The following TSC22D1 variants were observed in gnomAD, a reference collection of about 807,000 sequenced individuals.
The protein encoded by TSC22D1 is TSC22 domain family protein 1.
A neutral mutation model predicts 74.2 loss-of-function variants in TSC22D1; 9 were observed. The ratio of observed to expected loss-of-function variants is 0.12; its 90% CI spans 0.07 to 0.21. The LOEUF (loss-of-function observed/expected upper bound fraction) is 0.21, where lower values mean the gene tolerates loss of function less well. Ranked by LOEUF, TSC22D1 falls within the 10% of genes least tolerant of loss-of-function variation. The probability of loss-of-function intolerance (pLI) is 1.00; values close to 1 mark genes in which losing one functional copy is unlikely to be tolerated. For synonymous variants in TSC22D1, 586 were observed against 492.5 expected, an observed-to-expected ratio of 1.19 and a Z score of -2.51; for missense variants, 1,427 against 1,304.7, an observed-to-expected ratio of 1.09 and a Z score of -1.44.
intron 1 of TSC22D1, among the ~76,000 whole-genome samples, chr13:44,437,693 C>T (rs1359921159): frequency 6.6e-6 from 1 of 152,074 alleles, no homozygotes; most frequent in Non-Finnish European, 1.5e-5. Flanking sequence ...TAGTTAAGTC[C>T]CTAAGGCACG....
At chr13:44,514,894 G>C (rs913332571) in intron 1 of TSC22D1, among the ~76,000 whole-genome samples, 1 of 151,906 alleles carries the variant, frequency 6.6e-6, no homozygotes, top group Non-Finnish European at 1.5e-5. Context: ...GAAGTTTAAA[G>C]TCATTTATTA....
intron 1 of TSC22D1, among the ~76,000 whole-genome samples, chr13:44,439,244 G>C (rs951336807): frequency 1.3e-5 from 2 of 152,160 alleles, no homozygotes; most frequent in African/African-American, 4.8e-5. Context: ...ATACATCCTT[G>C]AACATGTATG....
At chr13:44,467,021 G>A (rs950605751) in intron 1 of TSC22D1, among the ~76,000 whole-genome samples, 1 of 152,006 alleles carries the variant, frequency 6.6e-6, no homozygotes, top group African/African-American at 2.4e-5. Flanking sequence ...AAATTAGCCA[G>A]GCATGGTGGT....
chr13:44,561,386 C>T (rs1883027928), intron 1 of TSC22D1, among the ~76,000 whole-genome samples: 1 of 152,160 alleles, frequency 6.6e-6, no homozygotes, highest in African/African-American at 2.4e-5. Flanking sequence ...ACTGATCAGG[C>T]CACTGCATGG....
At chr13:44,447,085 C>T (rs998634330) in intron 1 of TSC22D1, among the ~76,000 whole-genome samples, 2 of 151,958 alleles carry the variant, frequency 1.3e-5, no homozygotes, top group Non-Finnish European at 2.9e-5. Context: ...CCTTCTCCTG[C>T]CCCTAGTAAC....
chr13:44,535,826 C>G (rs780295463), intron 1 of TSC22D1, among the ~76,000 whole-genome samples: 3 of 151,818 alleles, frequency 2.0e-5, no homozygotes, highest in Non-Finnish European at 2.9e-5. Context: ...AGAGGAGAGT[C>G]TATGTTTTAA....
intron 1 of TSC22D1, among the ~76,000 whole-genome samples, chr13:44,462,378 A>C (rs1413357509): frequency 6.6e-6 from 1 of 152,216 alleles, no homozygotes; most frequent in Admixed American, 6.5e-5. Flanking sequence ...CAATGGCCTC[A>C]TTTAATCTAT....
intron 1 of TSC22D1, among the ~76,000 whole-genome samples, chr13:44,560,684 T>TA (rs1315893696): frequency 1.3e-5 from 2 of 152,228 alleles, no homozygotes; most frequent in Non-Finnish European, 2.9e-5. Flanking sequence ...TGTCTATGCT[T>TA]AAATGATACA....
chr13:44,450,169 G>A lies in TSC22D1; in HGVS notation c.2913-14074C>T, dbSNP rs944044375. ...TTAGACTACAAGGTACAAAGAGAAT[G>A]AGAACACTCCATGAAAAAGGAAGGG... On this transcript the variant is annotated intron_variant, in intron 1 of 2. Coordinates refer to ENST00000458659, the MANE Select transcript of TSC22D1 (RefSeq NM_183422.4). Among the ~76,000 whole-genome samples, 6 of 152,210 alleles carry A rather than the reference G, an allele frequency of 3.9e-5. No individual in the cohort carries two copies. The East Asian group carries it at 7.7e-4, about 20-fold the overall frequency.
chr13:44,536,943 AAAAAAAAAAAAAAAAAC>A, intron 1 of TSC22D1: 2 of 931,008 alleles, frequency 2.1e-6, no homozygotes, highest in African/African-American at 3.6e-5. Flanking sequence ...AAAAAAAAAA[AAAAAAAAAAAAAAAAAC>A]AAAAAAAACT....
In TSC22D1 at chr13:44,573,977, C is replaced by G. The variant is rs1566185652; in HGVS notation, c.2098G>C (p.Ala700Pro). 3.1e-6 allele frequency: 5 copies of G among 1,613,938 alleles called. No individual in the cohort carries two copies. Among genetic ancestry groups the G allele is most frequent in the Non-Finnish European group, 2.5e-6 (3 of 1,180,044 alleles). Residue 700 changes from alanine to proline, a missense_variant, in exon 1 of 3, where the codon GCA becomes CCA. Ala to Pro is a conservative substitution (Grantham distance 27). This residue lies in a region of TSC22D1 where 1,343 missense variants were observed against 1,191.5 expected (regional missense o/e 1.13). Transcript: ENST00000458659. Reference protein sequence around the residue: ...QGIQLPVQPTAVPAQPAGASV... With the variant: ...QGIQLPVQPTPVPAQPAGASV... ...GCCCCTGCAGGTTGTGCTGGGACTG[C>G]TGTGGGCTGCACTGGCAGCTGGATA...
At chr13:44,542,758 A>G (rs1340779975) in intron 1 of TSC22D1, among the ~76,000 whole-genome samples, 1 of 152,112 alleles carries the variant, frequency 6.6e-6, no homozygotes, top group Non-Finnish European at 1.5e-5. Flanking sequence ...TGAATTTGAT[A>G]ATGTATCATT....
chr13:44,488,335 C>T (rs145886791), intron 1 of TSC22D1, among the ~76,000 whole-genome samples: 2 of 151,900 alleles, frequency 1.3e-5, no homozygotes. Flanking sequence ...AGATTTAGTA[C>T]CCCCCCAAAA....
At chr13:44,476,288 G>GT (rs1466017003) in intron 1 of TSC22D1, among the ~76,000 whole-genome samples, 9 of 151,936 alleles carry the variant, frequency 5.9e-5, no homozygotes, top group African/African-American at 2.2e-4. Context: ...AACTTGTGTT[G>GT]TGTCCAGGAA....
Position 44,436,093 on chromosome 13 carries a change from G to A in TSC22D1, c.2915C>T (p.Ser972Phe). ...TPLVDGEDES[S>F]SGASVVAIDN... is the part of the protein sequence containing the mutation. The stretch of plus-strand genomic sequence containing the variant: ...AATAGCTACCACACTTGCACCAGAG[G>A]AGCTGAAAAAGAGGAGGGAAAAAGG... The change falls in exon 2 of 3, where the codon TCC becomes TTC. Residue 972 changes from serine to phenylalanine, a missense_variant and splice_region_variant. Physicochemically the swap from Ser to Phe is radical, Grantham distance 155. Coordinates refer to ENST00000458659, the MANE Select transcript of TSC22D1 (RefSeq NM_183422.4). 3 of 1,611,418 alleles carry A rather than the reference G, an allele frequency of 1.9e-6. No individual in the cohort carries two copies. Among genetic ancestry groups the A allele is most frequent in the Non-Finnish European group, 2.5e-6 (3 of 1,179,312 alleles).
intron 1 of TSC22D1, among the ~76,000 whole-genome samples, chr13:44,495,973 AATAG>A (rs1179044870): frequency 6.6e-6 from 1 of 152,236 alleles, no homozygotes; most frequent in African/African-American, 2.4e-5. Context: ...AGCAAAAAAG[AATAG>A]ATAAATTGAA....
intron 1 of TSC22D1, among the ~76,000 whole-genome samples, chr13:44,447,180 C>T (rs969988710): frequency 6.6e-6 from 1 of 151,120 alleles, no homozygotes; most frequent in African/African-American, 2.4e-5. Context: ...GACAGTGTCT[C>T]GCCATGTTGC....
Position 44,456,311 on chromosome 13 carries a change from C to T in TSC22D1, c.2913-20216G>A, listed in dbSNP as rs138249010. 4.5e-3 allele frequency among the ~76,000 whole-genome samples: 693 copies of T among 152,326 alleles called. 4 individuals carry two copies. Among genetic ancestry groups the T allele is most frequent in the African/African-American group, 0.016 (658 of 41,558 alleles). On this transcript the variant is annotated intron_variant, in intron 1 of 2. Coordinates refer to ENST00000458659, the MANE Select transcript of TSC22D1 (RefSeq NM_183422.4). ...TTATTCCCTTATTTGGCCCTGCCCA[C>T]ATCCTGCTGATTGGTCCATTTTACA...
chr13:44,540,110 TAACTA>T, intron 1 of TSC22D1: 1 of 381,566 alleles, frequency 2.6e-6, no homozygotes, highest in Non-Finnish European at 4.9e-6. Context: ...AATTCCTCAG[TAACTA>T]TTAAGAAGGG....
Sources: allele counts gnomAD v4.1 joint callset (sites outside exome capture counted in the v4.1 genomes callset), GRCh38; gene constraint gnomAD v4.1.1; regional missense constraint gnomAD v4.1.1; transcripts MANE v1.5; gene names NCBI Gene and HGNC (gene_info 2026-07-23, HGNC 2026-07-21).